EXD3: variants seen among roughly 807,000 people sequenced by gnomAD.
The protein encoded by EXD3 is exonuclease mut-7 homolog.
A neutral mutation model predicts 98.0 loss-of-function variants in EXD3; 92 were observed. The observed-to-expected ratio is 0.94, with a 90% CI of 0.79 to 1.12. EXD3 has a LOEUF of 1.12. EXD3 is among the 50% of genes most tolerant of loss of function. The pLI is 0.00. For missense variants in EXD3, 1,222 were observed against 1,191.6 expected (o/e 1.03, Z -0.38); for synonymous variants, 569 against 526.0 (o/e 1.08, Z -1.12).
Position 137,386,667 on chromosome 9 carries a change from C to T in EXD3, c.56-3290G>A, listed in dbSNP as rs184575067. ...AGTCAAAGCCAGGGCCCACCACATCCTCCCAGCCTCCAACCTCCGTGTACC... is the reference window on the plus strand; with the variant it reads ...AGTCAAAGCCAGGGCCCACCACATCTTCCCAGCCTCCAACCTCCGTGTACC... On this transcript the variant is annotated intron_variant, in intron 2 of 21. Transcript: ENST00000340951. Among the ~76,000 whole-genome samples, 106 of 152,274 alleles carry T rather than the reference C, an allele frequency of 7.0e-4. 2 individuals are homozygous for T. The highest frequency in any genetic ancestry group is 2.4e-3 in the African/African-American group (101 of 41,550).
chr9:137,313,109 A>G (rs1347455241), intron 19 of EXD3, among the ~76,000 whole-genome samples: 2 of 151,764 alleles, frequency 1.3e-5, no homozygotes, highest in Non-Finnish European at 2.9e-5. Context: ...GACCCCACCC[A>G]CCCCTGAGGC....
chr9:137,384,322 T>C (rs1836475094), intron 2 of EXD3, among the ~76,000 whole-genome samples: 1 of 152,202 alleles, frequency 6.6e-6, no homozygotes, highest in Non-Finnish European at 1.5e-5. Context: ...CCAGGCTGAC[T>C]TAACAGGAGA....
intron 5 of EXD3, among the ~76,000 whole-genome samples, chr9:137,370,969 C>A (rs989135498): frequency 6.6e-6 from 1 of 152,200 alleles, no homozygotes; most frequent in Non-Finnish European, 1.5e-5. Context: ...CTAATCCGAG[C>A]GGACAGGCCT....
chr9:137,357,612 C>T (rs2119266093), intron 7 of EXD3, among the ~76,000 whole-genome samples: 1 of 151,902 alleles, frequency 6.6e-6, no homozygotes, highest in South Asian at 2.1e-4. Context: ...TTAGTTACAG[C>T]ATTTGTGCTT....
Position 137,371,131 on chromosome 9 carries a change from G to A in EXD3, c.462+1774C>T, listed in dbSNP as rs1223993732. ...TGTGGGGATTCCTGCCTCGGAGCGC[G>A]AGGGAGGCGCATTCAGCCGGCCCCA... On this transcript the variant is annotated intron_variant, in intron 5 of 21. Coordinates refer to ENST00000340951, the MANE Select transcript of EXD3 (RefSeq NM_017820.5). The surrounding 1 kb of genome is among the most constrained non-coding windows in gnomAD (Gnocchi z 8.0). Among the ~76,000 whole-genome samples, 2 of 152,338 alleles carry A rather than the reference G, an allele frequency of 1.3e-5. No homozygotes were observed. Among genetic ancestry groups the A allele is most frequent in the East Asian group, 3.9e-4 (2 of 5,178 alleles).
chr9:137,320,465 C>G (rs1831972127), intron 19 of EXD3, among the ~76,000 whole-genome samples: 1 of 152,218 alleles, frequency 6.6e-6, no homozygotes, highest in African/African-American at 2.4e-5. Flanking sequence ...CAGGCCTGCT[C>G]TACCTGCAGC....
In EXD3 at chr9:137,349,519, T is replaced by C; in HGVS notation, c.1507A>G (p.Ser503Gly). The C allele has an allele frequency of 6.3e-7, 1 of 1,591,862 alleles. No individual in the cohort carries two copies. Among genetic ancestry groups the C allele is most frequent in the South Asian group, 1.1e-5 (1 of 89,528 alleles). ...CTGTCCACGGCTGGGGCTGGCACGCTCGCCACCCGCATCTGCTAAGACAGT... is the reference window on the plus strand; with the variant it reads ...CTGTCCACGGCTGGGGCTGGCACGCCCGCCACCCGCATCTGCTAAGACAGT... ...LLVHRQMRVA[S>G]VPAPAVDRAR... Residue 503 changes from serine (S) to glycine (G), a missense_variant, in exon 15 of 22, where the codon AGC becomes GGC. Transcript: ENST00000340951. The surrounding 1 kb of genome is among the most constrained non-coding windows in gnomAD (Gnocchi z 7.4).
chr9:137,373,001 C>T lies in EXD3; in HGVS notation c.366G>A (p.Ala122=), dbSNP rs749962430. ...KVLTESPPSL[A]APLASIFQLQ... Reference sequence around the variant, plus strand: ...GCTGGAAGATGCTGGCCAGTGGTGCCGCAAGGCTGGGGGGGCTCTCAGTGA... The same window carrying T: ...GCTGGAAGATGCTGGCCAGTGGTGCTGCAAGGCTGGGGGGGCTCTCAGTGA... Residue 122 remains alanine (A), a synonymous_variant, in exon 5 of 22, where the codon GCG becomes GCA. Coordinates refer to ENST00000340951, the MANE Select transcript of EXD3 (RefSeq NM_017820.5). 19 of 1,605,134 alleles carry T rather than the reference C, an allele frequency of 1.2e-5. No individual in the cohort carries two copies. Among genetic ancestry groups the T allele is most frequent in the East Asian group, 2.2e-5 (1 of 44,870 alleles).
At chr9:137,318,712 G>A (rs907938288) in intron 19 of EXD3, among the ~76,000 whole-genome samples, 1 of 151,878 alleles carries the variant, frequency 6.6e-6, no homozygotes, top group Non-Finnish European at 1.5e-5. Flanking sequence ...ATCCTCGCTC[G>A]AGGGGAGACC....
At chr9:137,361,592 A>C (rs1054562495) in intron 7 of EXD3, among the ~76,000 whole-genome samples, 1 of 150,110 alleles carries the variant, frequency 6.7e-6, no homozygotes, top group African/African-American at 2.4e-5. Flanking sequence ...CTAAAAATAC[A>C]AAAATTAGCC....
chr9:137,388,515 C>T (rs1003945297), intron 2 of EXD3, among the ~76,000 whole-genome samples: 3 of 152,216 alleles, frequency 2.0e-5, no homozygotes, highest in Admixed American at 6.5e-5. Flanking sequence ...CTGTTATTCC[C>T]GACACTCTAC....
At chr9:137,419,407 T>C (rs1838397884) in intron 1 of EXD3, among the ~76,000 whole-genome samples, 1 of 152,228 alleles carries the variant, frequency 6.6e-6, no homozygotes, top group Admixed American at 6.5e-5. Flanking sequence ...CGGTGGCTCA[T>C]GCCTGTAATC....
Position 137,403,467 on chromosome 9 carries a change from G to T in EXD3, c.-47-8063C>A, listed in dbSNP as rs1837569628. 6.6e-6 allele frequency among the ~76,000 whole-genome samples: 1 copy of T among 151,964 alleles called. No individual in the cohort carries two copies. Among genetic ancestry groups the T allele is most frequent in the African/African-American group, 2.4e-5 (1 of 41,356 alleles). The stretch of plus-strand genomic sequence containing the variant: ...CACACCCTGGCCCAGGGTCTCCGAG[G>T]GTCGGGGGCCGCAGGGTCTGGCAGC... On this transcript the variant is annotated intron_variant, in intron 1 of 21. Coordinates refer to ENST00000340951, the MANE Select transcript of EXD3 (RefSeq NM_017820.5). This position sits in a 1 kb window ranked among gnomAD's most constrained non-coding sequence, Gnocchi z 6.1.
intron 17 of EXD3, among the ~76,000 whole-genome samples, chr9:137,334,859 C>T (rs1400818304): frequency 3.3e-5 from 5 of 152,052 alleles, no homozygotes; most frequent in East Asian, 1.9e-4. Context: ...GGGCGGATCA[C>T]GAGGTCAGGA....
chr9:137,402,828 G>A (rs1837532445), intron 1 of EXD3, among the ~76,000 whole-genome samples: 1 of 152,150 alleles, frequency 6.6e-6, no homozygotes, highest in Non-Finnish European at 1.5e-5. Flanking sequence ...CCACATGGCT[G>A]GGGAGGCCTC....
At chr9:137,344,454 G>A (rs1303941453) in intron 17 of EXD3, among the ~76,000 whole-genome samples, 1 of 152,146 alleles carries the variant, frequency 6.6e-6, no homozygotes, top group Non-Finnish European at 1.5e-5. Context: ...GATTGTGAGT[G>A]GCGTGGAACT....
rs35995834 is a variant in EXD3 at position 137,362,506 on chromosome 9, A to ATT, written c.656+3985_656+3986dup. Among the ~76,000 whole-genome samples the ATT allele has an allele frequency of 2.9e-3, 420 of 143,336 alleles. 1 individual carries two copies. The highest frequency in any genetic ancestry group is 0.01 in the African/African-American group (396 of 39,042). The allele number at this position is 143,336 out of a possible 152,430, so 94.0% of individuals were successfully genotyped here. On this transcript the variant is annotated intron_variant, in intron 7 of 21. Coordinates refer to ENST00000340951, the MANE Select transcript of EXD3 (RefSeq NM_017820.5). ...ACTAAGCATAGAAAGGAACTTCCTC[A>ATT]TTTTTTTTTTTTTTTGATAGAGTCT...
chr9:137,414,382 T>C (rs1838143192), intron 1 of EXD3, among the ~76,000 whole-genome samples: 1 of 152,214 alleles, frequency 6.6e-6, no homozygotes, highest in Non-Finnish European at 1.5e-5. Context: ...CCGCACCCCC[T>C]TGTCTGGCTG....
At chr9:137,378,813 G>C (rs1836045479) in intron 3 of EXD3, among the ~76,000 whole-genome samples, 1 of 152,250 alleles carries the variant, frequency 6.6e-6, no homozygotes, top group South Asian at 2.1e-4. Flanking sequence ...GCAGAAAGCG[G>C]GTGAGCAGTG....
Sources: allele counts gnomAD v4.1 joint callset (sites outside exome capture counted in the v4.1 genomes callset), GRCh38; gene constraint gnomAD v4.1.1; non-coding constraint Gnocchi (gnomAD v3.1); transcripts MANE v1.5; gene names NCBI Gene and HGNC (gene_info 2026-07-23, HGNC 2026-07-21).